The following CST1 variants were observed in gnomAD, a reference collection of about 807,000 sequenced individuals.
CST1 encodes cystatin-SN.
Under a neutral mutation model 10.7 loss-of-function variants are expected in CST1, and 19 were observed. The observed-to-expected ratio is 1.78, with a 90% confidence interval of 1.24 to 2.61. CST1 has a LOEUF of 2.61. Ranked by LOEUF, CST1 falls within the 30% of genes most tolerant of loss-of-function variation. CST1 has a pLI of 0.00. For synonymous variants in CST1, 95 were observed against 72.8 expected, an observed-to-expected ratio of 1.31 and a Z score of -1.55; for missense variants, 247 against 178.1, an observed-to-expected ratio of 1.39 and a Z score of -2.20.
chr20:23,749,388 TC>T (rs2122671746), intron 1 of CST1, among the ~76,000 whole-genome samples: 1 of 152,336 alleles, frequency 6.6e-6, no homozygotes, highest in Admixed American at 6.5e-5. Context: ...GAACACTGAC[TC>T]TTTTCTAGGA....
chr20:23,749,334 A>G (rs1041315221), intron 1 of CST1, among the ~76,000 whole-genome samples: 3 of 152,188 alleles, frequency 2.0e-5, no homozygotes, highest in Admixed American at 2.0e-4. Context: ...TGTGCTGGGT[A>G]AAAGGATTCA....
At position 23,748,305 on chromosome 20, in the gene CST1, A is replaced by G. The variant is rs182210543; in HGVS notation, c.343-406T>C. 5.9e-5 allele frequency among the ~76,000 whole-genome samples: 9 copies of G among 152,216 alleles called. No individual in the cohort carries two copies. The East Asian group carries it at 1.7e-3, about 30-fold the overall frequency. On this transcript the variant is annotated intron_variant, in intron 2 of 2. Coordinates refer to ENST00000304749, the MANE Select transcript of CST1 (RefSeq NM_001898.3). ...CCAGGGCAGGGCAACTCCCCCTCAA[A>G]GAGCTGGGGCATGGGGCAAGGGCAA...
chr20:23,747,818 A>G lies in CST1; in HGVS notation c.424T>C (p.Ter142GlnextTer80), dbSNP rs1176296483. The G allele has an allele frequency of 1.9e-6, 3 of 1,613,630 alleles. No homozygotes were observed. In the African/African-American group the frequency reaches 4.0e-5, roughly 22 times the overall value. Reference protein sequence around the residue: ...SLVKSRCQES* With the variant: ...SLVKSRCQESQ ...TGCGAATGGCCTGGCACAGATCCCT[A>G]GGATTCTTGACACCTGGATTTCACC... The change falls in exon 3 of 3, where the codon TAG becomes CAG. Residue 142 changes from the stop codon to glutamine, a stop_lost. Coordinates refer to ENST00000304749, the MANE Select transcript of CST1 (RefSeq NM_001898.3).
At chr20:23,749,697 C>T (rs1982776304) in intron 1 of CST1, among the ~76,000 whole-genome samples, 1 of 151,946 alleles carries the variant, frequency 6.6e-6, no homozygotes, top group South Asian at 2.1e-4. Context: ...ATGAGGGACT[C>T]TCTGGAACCA....
chr20:23,750,650 C>A lies in CST1; in HGVS notation c.217G>T (p.Ala73Ser). 6.2e-7 allele frequency: 1 copy of A among 1,613,792 alleles called. No homozygotes were observed. Among genetic ancestry groups the A allele is most frequent in the Non-Finnish European group, 8.5e-7 (1 of 1,179,994 alleles). ...YYRRPLRVLR[A>S]RQQTVGGVNY... Reference sequence around the variant, plus strand: ...GAGGGAGCACCTACCTGTTGCCTGGCTCTTAGTACCCGCAGCGGACGTCTG... The same window carrying A: ...GAGGGAGCACCTACCTGTTGCCTGGATCTTAGTACCCGCAGCGGACGTCTG... Residue 73 changes from alanine (A) to serine (S), a missense_variant, in exon 1 of 3, where the codon GCC (alanine) becomes TCC (serine). Coordinates refer to ENST00000304749, the MANE Select transcript of CST1 (RefSeq NM_001898.3).
chr20:23,750,604 G>A (rs750944163), intron 1 of CST1, 35 bp downstream of exon 1: 8 of 1,589,936 alleles, frequency 5.0e-6, no homozygotes, highest in Non-Finnish European at 6.9e-6. Flanking sequence ...AACCAGGCTG[G>A]GACCCAGGAC....
In CST1 at chr20:23,750,680, AGTC is replaced by A; in HGVS notation, c.184_186del (p.Asp62del). ...AGTACCCGCAGCGGACGTCTGTAGT[AGTC>A]ATCTTTGGTGGCCTTGTTATACTCG... is the stretch of plus-strand genomic sequence containing the variant. On this transcript the variant is annotated inframe_deletion, in exon 1 of 3. Transcript: ENST00000304749. The A allele has an allele frequency of 6.2e-7, 1 of 1,614,070 alleles. No individual in the cohort carries two copies. Among genetic ancestry groups the A allele is most frequent in the Non-Finnish European group, 8.5e-7 (1 of 1,180,018 alleles).
Position 23,750,887 on chromosome 20 carries a change from A to G in CST1, c.-21T>C, listed in dbSNP as rs550064441. On this transcript the variant is annotated 5_prime_UTR_variant, in exon 1 of 3. Transcript: ENST00000304749. ...GCCATGGTCTCCTCAGAGGCAGAGC[A>G]CAAAGCTGGAGCTGCAGGAGAGGAG... is the stretch of plus-strand genomic sequence containing the variant. 109 of 1,582,030 alleles carry G rather than the reference A, an allele frequency of 6.9e-5. No homozygotes were observed. In the African/African-American group the frequency reaches 1.3e-3, roughly 19 times the overall value.
At chr20:23,749,532 G>A (rs576378756) in intron 1 of CST1, among the ~76,000 whole-genome samples, 30 of 152,298 alleles carry the variant, frequency 2.0e-4, no homozygotes, top group African/African-American at 5.8e-4. Context: ...CAATGGGGCC[G>A]CCCGGATGCC....
chr20:23,749,545 C>T (rs555458200), intron 1 of CST1, among the ~76,000 whole-genome samples: 64 of 152,300 alleles, frequency 4.2e-4, no homozygotes, highest in African/African-American at 1.5e-3. Context: ...CGGATGCCAC[C>T]ATTTCAAGTG....
At chr20:23,748,298 C>G (rs1004898817) in intron 2 of CST1, among the ~76,000 whole-genome samples, 4 of 152,066 alleles carry the variant, frequency 2.6e-5, no homozygotes, top group African/African-American at 2.4e-5. Context: ...GGGCAACTCC[C>G]CCTCAAAGAG....
intron 2 of CST1, among the ~76,000 whole-genome samples, 170 bp downstream of exon 2, chr20:23,748,846 A>G (rs1399135170): frequency 1.3e-5 from 2 of 151,760 alleles, no homozygotes; most frequent in East Asian, 3.9e-4. Context: ...ATGCACACCT[A>G]CATGCACACC....
In CST1 at chr20:23,747,731, G is replaced by C. The variant is rs902321863; in HGVS notation, c.*85C>G. 2 of 1,359,718 alleles carry C rather than the reference G, an allele frequency of 1.5e-6. No homozygotes were observed. The highest frequency in any genetic ancestry group is 1.9e-5 in the Admixed American group (1 of 53,426). The allele number at this position is 1,359,718 out of a possible 1,614,324, so 84.2% of individuals were successfully genotyped here. On this transcript the variant is annotated 3_prime_UTR_variant, in exon 3 of 3. Coordinates refer to ENST00000304749, the MANE Select transcript of CST1 (RefSeq NM_001898.3). ...CAGGCACATGGGGAGGCCTCCCGCAGGGTGGGGGCCACCAGTCCAGGGGTG... is the reference window on the plus strand; with the variant it reads ...CAGGCACATGGGGAGGCCTCCCGCACGGTGGGGGCCACCAGTCCAGGGGTG...
intron 1 of CST1, 28 bp downstream of exon 1, chr20:23,750,611 G>A: frequency 4.4e-6 from 7 of 1,605,944 alleles, no homozygotes; most frequent in Non-Finnish European, 6.0e-6. Context: ...CTGGGACCCA[G>A]GACCCCTGGG....
In CST1 at chr20:23,750,885, G is replaced by C. The variant is rs756454450; in HGVS notation, c.-19C>G. On this transcript the variant is annotated 5_prime_UTR_variant, in exon 1 of 3. Coordinates refer to ENST00000304749, the MANE Select transcript of CST1 (RefSeq NM_001898.3). ...GGGCCATGGTCTCCTCAGAGGCAGAGCACAAAGCTGGAGCTGCAGGAGAGG... is the reference window on the plus strand; with the variant it reads ...GGGCCATGGTCTCCTCAGAGGCAGACCACAAAGCTGGAGCTGCAGGAGAGG... 1.3e-6 allele frequency: 2 copies of C among 1,584,462 alleles called. No individual in the cohort carries two copies. The highest frequency in any genetic ancestry group is 4.5e-5 in the East Asian group (2 of 43,978).
chr20:23,747,791 G>T lies in CST1; in HGVS notation c.*25C>A, dbSNP rs1233495325. 2 of 1,608,606 alleles carry T rather than the reference G, an allele frequency of 1.2e-6. No individual in the cohort carries two copies. Among genetic ancestry groups the T allele is most frequent in the Admixed American group, 1.7e-5 (1 of 59,928 alleles). ...CAGGGGGTGGGAGTGGGTGGTGGCT[G>T]GTGCGAATGGCCTGGCACAGATCCC... is the stretch of plus-strand genomic sequence containing the variant. On this transcript the variant is annotated 3_prime_UTR_variant, in exon 3 of 3. Coordinates refer to ENST00000304749, the MANE Select transcript of CST1 (RefSeq NM_001898.3).
Position 23,750,823 on chromosome 20 carries a change from AG to A in CST1, c.43del (p.Leu15Ter), listed in dbSNP as rs1982819983. ...GGGGCTCCAGGCCAGGGCCACAGCTAGGGTGGCCAGCAGGAGCAGCAGGGTA... is the reference window on the plus strand; with the variant it reads ...GGGGCTCCAGGCCAGGGCCACAGCTAGGTGGCCAGCAGGAGCAGCAGGGTA... ...LSTLLLLLAT[L>X]AVALAWSPKE... On this transcript the variant is annotated frameshift_variant, in exon 1 of 3. Transcript: ENST00000304749. LOFTEE classifies it high-confidence loss of function. 9 of 1,613,924 alleles carry A rather than the reference AG, an allele frequency of 5.6e-6. No homozygotes were observed. Among genetic ancestry groups the A allele is most frequent in the Non-Finnish European group, 6.8e-6 (8 of 1,179,918 alleles).
intron 1 of CST1, 50 bp downstream of exon 1, chr20:23,750,589 G>A (rs1982803795): frequency 1.9e-6 from 3 of 1,555,392 alleles, no homozygotes; most frequent in East Asian, 2.2e-5. Context: ...GGGGGTTGGG[G>A]AACAAACCAG....
Position 23,750,873 on chromosome 20 carries a change from C to T in CST1, c.-7G>A. 1 of 1,600,610 alleles carries T rather than the reference C, an allele frequency of 6.2e-7. No individual in the cohort carries two copies. The highest frequency in any genetic ancestry group is 8.5e-7 in the Non-Finnish European group (1 of 1,172,956). The stretch of plus-strand genomic sequence containing the variant: ...TACTCAGATACTGGGCCATGGTCTC[C>T]TCAGAGGCAGAGCACAAAGCTGGAG... On this transcript the variant is annotated 5_prime_UTR_variant, in exon 1 of 3. Coordinates refer to ENST00000304749, the MANE Select transcript of CST1 (RefSeq NM_001898.3).
Sources: gnomAD v4.1 joint callset for allele counts (sites outside exome capture counted in the v4.1 genomes callset) on GRCh38, gnomAD v4.1.1 for gene constraint, MANE v1.5 for transcripts, NCBI Gene and HGNC (gene_info 2026-07-23, HGNC 2026-07-21) for gene names.